Variants in NRG3 observed in about 807,000 individuals in gnomAD.
NRG3 encodes pro-neuregulin-3, membrane-bound isoform.
A neutral mutation model predicts 66.9 loss-of-function variants in NRG3; 31 were observed. The observed-to-expected ratio is 0.46, with a 90% CI of 0.35 to 0.63. The LOEUF (loss-of-function observed/expected upper bound fraction) is 0.63, where lower values mean the gene tolerates loss of function less well. Ranked by LOEUF, NRG3 falls within the 20% of genes least tolerant of loss-of-function variation. The pLI is 0.00. For missense variants in NRG3, 910 were observed against 878.9 expected (o/e 1.04, Z -0.45); for synonymous variants, 393 against 359.4 (o/e 1.09, Z -1.06).
At chr10:82,661,434 G>A (rs547418962) in intron 2 of NRG3, among the ~76,000 whole-genome samples, 17 of 151,700 alleles carry the variant, frequency 1.1e-4, no homozygotes, top group African/African-American at 4.1e-4. Flanking sequence ...TTACATATGT[G>A]ATATTAAATA....
At chr10:82,299,041 A>C (rs1208343301) in intron 1 of NRG3, among the ~76,000 whole-genome samples, 1 of 152,154 alleles carries the variant, frequency 6.6e-6, no homozygotes, top group Non-Finnish European at 1.5e-5. Context: ...CCCTGGAAGT[A>C]TATTGAGATC....
chr10:82,888,190 C>G (rs1194712245), intron 4 of NRG3, among the ~76,000 whole-genome samples: 4 of 152,108 alleles, frequency 2.6e-5, no homozygotes, highest in African/African-American at 9.7e-5. Flanking sequence ...AACCTGGAGA[C>G]AAATCCAATT....
intron 1 of NRG3, among the ~76,000 whole-genome samples, chr10:82,311,224 G>A (rs185976123): frequency 3.3e-5 from 5 of 152,286 alleles, no homozygotes; most frequent in Admixed American, 1.3e-4. Context: ...CGGTCATCTA[G>A]CATCATTCAG....
rs138137123 is a variant in NRG3, at chr10:82,654,681, A to T, written c.954-83896A>T. Among the ~76,000 whole-genome samples, 7 of 152,290 alleles carry T rather than the reference A, an allele frequency of 4.6e-5. No homozygotes were observed. The East Asian group carries it at 1.3e-3, about 29-fold the overall frequency. On this transcript the variant is annotated intron_variant, in intron 2 of 8. Coordinates refer to ENST00000372141, the MANE Select transcript of NRG3 (RefSeq NM_001010848.4). ...TGTATTGTATAACTTTTTTCTGTTG[A>T]TATCAAGGTAAATAAAATATGATTC...
chr10:82,256,565 A>C (rs534934814), intron 1 of NRG3, among the ~76,000 whole-genome samples: 2 of 151,874 alleles, frequency 1.3e-5, no homozygotes, highest in African/African-American at 4.8e-5. Context: ...GTTTGCTCAC[A>C]CTCTTGCTCT....
chr10:82,015,698 C>T (rs549926410), intron 1 of NRG3, among the ~76,000 whole-genome samples: 5 of 151,794 alleles, frequency 3.3e-5, no homozygotes, highest in African/African-American at 7.3e-5. Flanking sequence ...TATAAATTAC[C>T]GCATCTCGGG....
chr10:82,198,456 C>T (rs1020391085), intron 1 of NRG3, among the ~76,000 whole-genome samples: 3 of 152,192 alleles, frequency 2.0e-5, no homozygotes, highest in South Asian at 4.1e-4. Context: ...CAGCACTACC[C>T]GGTGCTGACT....
Position 82,625,211 on chromosome 10 carries a change from T to C in NRG3, c.954-113366T>C, listed in dbSNP as rs113737584. ...CTCTCAAGGCTAACTTCCTCTCTCA[T>C]ACCTAGTAAGTGGAAAAACAGAGGC... On this transcript the variant is annotated intron_variant, in intron 2 of 8. Transcript: ENST00000372141. 8.3e-3 allele frequency among the ~76,000 whole-genome samples: 1,263 copies of C among 152,052 alleles called. 17 individuals carry two copies. Among genetic ancestry groups the C allele is most frequent in the African/African-American group, 0.028 (1,165 of 41,510 alleles).
At chr10:82,462,278 C>G (rs2091552402) in intron 2 of NRG3, among the ~76,000 whole-genome samples, 1 of 151,966 alleles carries the variant, frequency 6.6e-6, no homozygotes, top group Non-Finnish European at 1.5e-5. Flanking sequence ...CCAGAGTTCT[C>G]AGGGTAAGTC....
At chr10:82,545,670 C>A (rs956844088) in intron 2 of NRG3, among the ~76,000 whole-genome samples, 1 of 148,398 alleles carries the variant, frequency 6.7e-6, no homozygotes, top group Non-Finnish European at 1.5e-5. Flanking sequence ...CGTGAGCCAC[C>A]GTGCCCAGCC....
intron 1 of NRG3, among the ~76,000 whole-genome samples, chr10:81,958,676 G>A (rs2133254368): frequency 6.6e-6 from 1 of 152,306 alleles, no homozygotes; most frequent in African/African-American, 2.4e-5. Flanking sequence ...GATCACCTGA[G>A]GTCAGGAGTT....
At chr10:82,031,198 C>G (rs558669111) in intron 1 of NRG3, among the ~76,000 whole-genome samples, 7 of 152,156 alleles carry the variant, frequency 4.6e-5, no homozygotes, top group African/African-American at 1.7e-4. Context: ...ATGGTTGTTT[C>G]AACTGAGTGC....
At chr10:82,309,477 A>T (rs1376890731) in intron 1 of NRG3, among the ~76,000 whole-genome samples, 1 of 152,098 alleles carries the variant, frequency 6.6e-6, no homozygotes, top group Non-Finnish European at 1.5e-5. Context: ...AAAAAAAAAA[A>T]AATAGGTTTA....
chr10:82,922,063 A>G (rs1846471829), intron 4 of NRG3, among the ~76,000 whole-genome samples: 1 of 152,062 alleles, frequency 6.6e-6, no homozygotes, highest in African/African-American at 2.4e-5. Context: ...TCATTAAAAG[A>G]TAAGCTTTTA....
At chr10:82,285,866 C>G (rs1194860559) in intron 1 of NRG3, among the ~76,000 whole-genome samples, 2 of 152,184 alleles carry the variant, frequency 1.3e-5, no homozygotes, top group East Asian at 3.9e-4. Flanking sequence ...AATAGAGCTT[C>G]TTTATTCCTT....
At chr10:82,667,208 A>G (rs1361450312) in intron 2 of NRG3, among the ~76,000 whole-genome samples, 1 of 152,172 alleles carries the variant, frequency 6.6e-6, no homozygotes, top group Non-Finnish European at 1.5e-5. Context: ...GAGTTGTGAT[A>G]TGATTCTCAT....
At chr10:81,893,901 A>G (rs1843261124) in intron 1 of NRG3, among the ~76,000 whole-genome samples, 2 of 152,188 alleles carry the variant, frequency 1.3e-5, no homozygotes, top group African/African-American at 2.4e-5. Flanking sequence ...TTTAGTAACA[A>G]AAGATTTTTT....
intron 2 of NRG3, among the ~76,000 whole-genome samples, chr10:82,690,615 G>A (rs1179682283): frequency 6.6e-6 from 1 of 152,090 alleles, no homozygotes; most frequent in Non-Finnish European, 1.5e-5. Flanking sequence ...AACAGAAAAT[G>A]CAAAGAATCT....
chr10:82,951,665 A>T, intron 5 of NRG3, 94 bp downstream of exon 5: 2 of 1,061,320 alleles, frequency 1.9e-6, no homozygotes. Flanking sequence ...CACAGAGGGA[A>T]CCTGTGGAAA....
Sources: gnomAD v4.1 joint callset for allele counts (sites outside exome capture counted in the v4.1 genomes callset) on GRCh38, gnomAD v4.1.1 for gene constraint, MANE v1.5 for transcripts, NCBI Gene and HGNC (gene_info 2026-07-23, HGNC 2026-07-21) for gene names.